The following PLCB4 variants were observed in gnomAD, a reference collection of about 807,000 sequenced individuals.
The protein encoded by PLCB4 is phospholipase C beta 4.
Under a neutral mutation model 178.8 loss-of-function variants are expected in PLCB4, and 77 were observed. The ratio of observed to expected loss-of-function variants is 0.43; its 90% CI spans 0.36 to 0.52. PLCB4 has a LOEUF of 0.52. Among genes scored for constraint, PLCB4 ranks in the 20% least tolerant of loss-of-function variants. The pLI, the probability that PLCB4 is intolerant of heterozygous loss-of-function variation, is 0.00. For missense variants in PLCB4, 1,024 were observed against 1,453.4 expected (o/e 0.70, Z 4.80); for synonymous variants, 496 against 490.8 (o/e 1.01, Z -0.14).
chr20:9,420,454 C>A (rs1233629096), intron 26 of PLCB4, among the ~76,000 whole-genome samples: 1 of 151,960 alleles, frequency 6.6e-6, no homozygotes, highest in Admixed American at 6.6e-5. Context: ...TCTCCTGCAC[C>A]TGTAGCTGGG....
In PLCB4 at chr20:9,449,595, G is replaced by A. The variant is rs534161935; in HGVS notation, c.2881-3752G>A. Among the ~76,000 whole-genome samples, 9 of 152,230 alleles carry A rather than the reference G, an allele frequency of 5.9e-5. No homozygotes were observed. The South Asian group carries it at 6.2e-4, about 11-fold the overall frequency. On this transcript the variant is annotated intron_variant, in intron 32 of 39. Transcript: ENST00000378473. ...TAATTCAACCTCTTTTTGAAACTGC[G>A]TAGGAAAAAACAAAACAAAATCCAA...
intron 7 of PLCB4, among the ~76,000 whole-genome samples, chr20:9,341,086 C>T (rs1349394674): frequency 6.6e-6 from 1 of 152,164 alleles, no homozygotes; most frequent in Admixed American, 6.6e-5. Context: ...CTATATGCTG[C>T]ACCCACTTTG....
At chr20:9,431,386 C>T (rs2041384540) in intron 28 of PLCB4, among the ~76,000 whole-genome samples, 1 of 152,084 alleles carries the variant, frequency 6.6e-6, no homozygotes, top group Non-Finnish European at 1.5e-5. Flanking sequence ...AATAACATCA[C>T]GTTCTGAAGT....
intron 2 of PLCB4, chr20:9,166,264 TTA>T (rs1395047160): frequency 6.6e-6 from 1 of 152,194 alleles, no homozygotes; most frequent in African/African-American, 2.4e-5. Flanking sequence ...ACTCTTCCTA[TTA>T]TAAACAAACA....
In PLCB4 at chr20:9,165,727, A is replaced by G. The variant is rs540522923; in HGVS notation, c.-78-51663A>G. 3.3e-5 allele frequency among the ~76,000 whole-genome samples: 5 copies of G among 151,842 alleles called. No individual in the cohort carries two copies. In the East Asian group the frequency reaches 9.7e-4, roughly 30 times the overall value. ...GCAGAACATTTTACATTCTCTGAGC[A>G]TTTTGGGAAATGCCAAATTTTTTAT... is the stretch of plus-strand genomic sequence containing the variant. On this transcript the variant is annotated intron_variant, in intron 2 of 39. Transcript: ENST00000378473.
intron 2 of PLCB4, among the ~76,000 whole-genome samples, chr20:9,114,600 G>A (rs2091713892): frequency 6.6e-6 from 1 of 152,116 alleles, no homozygotes; most frequent in African/African-American, 2.4e-5. Flanking sequence ...GCAAGGTAAT[G>A]AGTGATGGCT....
chr20:9,259,757 A>G (rs117147950), intron 3 of PLCB4, among the ~76,000 whole-genome samples: 3,444 of 152,206 alleles, frequency 0.023, 52 homozygotes, highest in Middle Eastern at 0.037. Context: ...CCAAATTGAG[A>G]TAGGCTCTAA....
At chr20:9,246,305 C>A (rs1004200090) in intron 3 of PLCB4, among the ~76,000 whole-genome samples, 4 of 152,126 alleles carry the variant, frequency 2.6e-5, no homozygotes, top group African/African-American at 9.7e-5. Context: ...TACCACTATA[C>A]ATACCTTCAA....
In PLCB4 at chr20:9,473,313, T is replaced by G; in HGVS notation, c.3443T>G (p.Leu1148Trp). 1 of 1,602,714 alleles carries G rather than the reference T, an allele frequency of 6.2e-7. No homozygotes were observed. Among genetic ancestry groups the G allele is most frequent in the African/African-American group, 1.4e-5 (1 of 73,974 alleles). ...AMKQSKEMDQ[L>W]KKVQLEHLEF... ...AAGCAGTCCAAAGAAATGGATCAGT[T>G]GAAAAAAGTCCAGCTTGAACATCTA... is the stretch of plus-strand genomic sequence containing the variant. The change falls in exon 38 of 40, where the codon TTG becomes TGG. Residue 1148 changes from leucine to tryptophan, a missense_variant. Physicochemically the swap from Leu to Trp is moderately conservative, Grantham distance 61. This residue lies in a region of PLCB4 where 264 missense variants were observed against 283.2 expected (regional missense o/e 0.93). Coordinates refer to ENST00000378473, the MANE Select transcript of PLCB4 (RefSeq NM_001377142.1).
At chr20:9,358,925 C>A (rs1293808217) in intron 7 of PLCB4, among the ~76,000 whole-genome samples, 1 of 151,918 alleles carries the variant, frequency 6.6e-6, no homozygotes, top group Non-Finnish European at 1.5e-5. Context: ...AAGGAAATAC[C>A]GAAAGCAAAA....
chr20:9,110,282 C>A (rs1440950148), intron 2 of PLCB4, among the ~76,000 whole-genome samples: 1 of 151,858 alleles, frequency 6.6e-6, no homozygotes, highest in African/African-American at 2.4e-5. Context: ...TAACAACTTA[C>A]ACTGATTAGC....
intron 4 of PLCB4, among the ~76,000 whole-genome samples, chr20:9,315,430 C>A (rs910792631): frequency 6.6e-6 from 1 of 152,082 alleles, no homozygotes; most frequent in African/African-American, 2.4e-5. Context: ...TATGGTCCAG[C>A]GGCAGGAGAC....
chr20:9,189,621 G>T (rs1369979525), intron 2 of PLCB4, among the ~76,000 whole-genome samples: 1 of 152,308 alleles, frequency 6.6e-6, no homozygotes, highest in African/African-American at 2.4e-5. Flanking sequence ...TGCTGTAACA[G>T]AATACCACAG....
intron 1 of PLCB4, among the ~76,000 whole-genome samples, chr20:9,086,783 G>C (rs1213933489): frequency 3.3e-5 from 5 of 152,192 alleles, no homozygotes; most frequent in Non-Finnish European, 7.3e-5. Context: ...TTTCGAAAAG[G>C]AAATTGGGAG....
chr20:9,427,606 A>ACGCCAC (rs2041112741), intron 28 of PLCB4, among the ~76,000 whole-genome samples: 1 of 152,186 alleles, frequency 6.6e-6, no homozygotes, highest in Non-Finnish European at 1.5e-5. Context: ...GTGGGTGCCA[A>ACGCCAC]CGCCACCGTA....
intron 12 of PLCB4, among the ~76,000 whole-genome samples, chr20:9,377,965 A>G (rs1682673381): frequency 6.6e-6 from 1 of 152,208 alleles, no homozygotes; most frequent in African/African-American, 2.4e-5. Flanking sequence ...AGAGATCAGC[A>G]GATTCAGTAG....
At chr20:9,340,565 A>G (rs1907997408) in intron 7 of PLCB4, among the ~76,000 whole-genome samples, 1 of 152,092 alleles carries the variant, frequency 6.6e-6, no homozygotes, top group Non-Finnish European at 1.5e-5. Flanking sequence ...TCACTTTGGG[A>G]GAACAGATTT....
At chr20:9,098,741 ATGTG>A (rs35465129) in intron 2 of PLCB4, among the ~76,000 whole-genome samples, 23 of 135,462 alleles carry the variant, frequency 1.7e-4, no homozygotes, top group Non-Finnish European at 2.9e-4. Context: ...ATATACATAT[ATGTG>A]TGTGTGTGTG....
Position 9,419,844 on chromosome 20 carries a change from C to G in PLCB4, c.2089C>G (p.Arg697Gly). 1 of 1,613,984 alleles carries G rather than the reference C, an allele frequency of 6.2e-7. No individual in the cohort carries two copies. The highest frequency in any genetic ancestry group is 8.5e-7 in the Non-Finnish European group (1 of 1,179,864). ...LKPDFMRRPD[R>G]TFDPFSETPV... The stretch of plus-strand genomic sequence containing the variant: ...ACCAGATTTCATGAGGCGGCCTGAT[C>G]GAACATTTGACCCCTTCTCTGAAAC... Residue 697 changes from arginine (R) to glycine (G), a missense_variant, in exon 26 of 40, where the codon CGA becomes GGA. This residue lies in a region of PLCB4 where 227 missense variants were observed against 374.3 expected (regional missense o/e 0.61). Transcript: ENST00000378473.
Sources: allele counts gnomAD v4.1 joint callset (sites outside exome capture counted in the v4.1 genomes callset), GRCh38; gene constraint gnomAD v4.1.1; regional missense constraint gnomAD v4.1.1; transcripts MANE v1.5; gene names NCBI Gene and HGNC (gene_info 2026-07-23, HGNC 2026-07-21).